Variants in AKAP13 observed in about 807,000 individuals in gnomAD.
The protein encoded by AKAP13 is A-kinase anchor protein 13.
Under a neutral mutation model 264.5 loss-of-function variants are expected in AKAP13, and 80 were observed. The ratio of observed to expected loss-of-function variants is 0.30; its 90% CI spans 0.25 to 0.36. The LOEUF (loss-of-function observed/expected upper bound fraction) is 0.36. AKAP13 is among the 10% of genes least tolerant of loss of function. The probability of loss-of-function intolerance (pLI) is 1.00; values close to 1 mark genes in which losing one functional copy is unlikely to be tolerated. For synonymous variants in AKAP13, 1,380 were observed against 1,250.2 expected, an observed-to-expected ratio of 1.10 and a Z score of -2.19; for missense variants, 3,712 against 3,435.2, an observed-to-expected ratio of 1.08 and a Z score of -2.01.
At chr15:85,639,293 C>G in intron 8 of AKAP13, 81 bp from the exon 9 acceptor site, 1 of 963,156 alleles carries the variant, frequency 1.0e-6, no homozygotes, top group Non-Finnish European at 1.6e-6. Context: ...GAATGTTGGT[C>G]AGTTGACATA....
At chr15:85,455,622 A>T (rs1333931412) in intron 1 of AKAP13, among the ~76,000 whole-genome samples, 1 of 152,114 alleles carries the variant, frequency 6.6e-6, no homozygotes, top group East Asian at 1.9e-4. Context: ...AGTTTTCCTT[A>T]GTCTCTGTTA....
At chr15:85,689,892 C>CCCTCCTT (rs796077215) in intron 16 of AKAP13, 2 of 152,278 alleles carry the variant, frequency 1.3e-5, no homozygotes, top group African/African-American at 4.8e-5. Flanking sequence ...CCTCAGCCCT[C>CCCTCCTT]CCTCCTTCCC....
rs115182750 is a variant in AKAP13, at chr15:85,744,018, G to A, written c.8392+193G>A. The stretch of plus-strand genomic sequence containing the variant: ...GAACATTAAGAACCCACTCTGTGTG[G>A]CACGTGTGCAGAAGCAGAGAGCATG... On this transcript the variant is annotated intron_variant, in intron 36 of 36. Coordinates refer to ENST00000394518, the MANE Select transcript of AKAP13 (RefSeq NM_007200.5). The A allele has an allele frequency of 6.4e-3, 4,049 of 630,824 alleles. 46 individuals are homozygous for A. Among genetic ancestry groups the A allele is most frequent in the African/African-American group, 0.025 (1,386 of 54,538 alleles). 39.1% of individuals were successfully genotyped at this position (630,824 alleles called of 1,614,324 possible).
chr15:85,385,058 A>T (rs993569930), intron 1 of AKAP13, among the ~76,000 whole-genome samples: 12 of 152,188 alleles, frequency 7.9e-5, no homozygotes, highest in Non-Finnish European at 1.5e-4. Context: ...TCACTCTGTA[A>T]GCTCTTCTCT....
At chr15:85,448,521 C>A (rs889149395) in intron 1 of AKAP13, among the ~76,000 whole-genome samples, 1 of 152,108 alleles carries the variant, frequency 6.6e-6, no homozygotes, top group Non-Finnish European at 1.5e-5. Context: ...AGTCTTTAAT[C>A]CATCTTGAGT....
intron 2 of AKAP13, among the ~76,000 whole-genome samples, chr15:85,503,397 G>GC (rs752057783): frequency 1.3e-5 from 2 of 152,138 alleles, no homozygotes; most frequent in South Asian, 2.1e-4. Flanking sequence ...TGGTACTATA[G>GC]CCCCCAAAGC....
intron 7 of AKAP13, among the ~76,000 whole-genome samples, chr15:85,584,773 C>G (rs185965212): frequency 2.0e-5 from 3 of 152,308 alleles, no homozygotes; most frequent in Admixed American, 2.0e-4. Context: ...CTTCTGTGCT[C>G]TTTAGTGTGG....
At chr15:85,442,464 C>CATAATATATATTATATAATATAT (rs1169847430) in intron 1 of AKAP13, among the ~76,000 whole-genome samples, 20 of 84,472 alleles carry the variant, frequency 2.4e-4, no homozygotes, top group African/African-American at 7.5e-4. Flanking sequence ...ATATAATATA[C>CATAATATATATTATATAATATAT]ATAATATATA....
At position 85,658,557 on chromosome 15, in the gene AKAP13, A is replaced by G; in HGVS notation, c.4766A>G (p.Asp1589Gly). 1 of 1,613,862 alleles carries G rather than the reference A, an allele frequency of 6.2e-7. No homozygotes were observed. The highest frequency in any genetic ancestry group is 8.5e-7 in the Non-Finnish European group (1 of 1,179,916). ...TTCAGTTCAATGCGAGTTCTTGGGGATGTTGTCAGGAGACCTCCCATTCAT... is the reference window on the plus strand; with the variant it reads ...TTCAGTTCAATGCGAGTTCTTGGGGGTGTTGTCAGGAGACCTCCCATTCAT... ...NHRSSMRVLGDVVRRPPIHRR... is the reference protein window; with the variant it reads ...NHRSSMRVLGGVVRRPPIHRR... The change falls in exon 12 of 37, where the codon GAT becomes GGT. Residue 1589 changes from aspartate (D) to glycine (G), a missense_variant. Physicochemically the swap from Asp to Gly is moderately conservative, Grantham distance 94 (BLOSUM62 -1). This residue lies in a region of AKAP13 where 2,759 missense variants were observed against 2,411.7 expected (regional missense o/e 1.14). Coordinates refer to ENST00000394518, the MANE Select transcript of AKAP13 (RefSeq NM_007200.5).
chr15:85,657,033 C>G (rs2083130510), intron 11 of AKAP13, among the ~76,000 whole-genome samples: 1 of 152,078 alleles, frequency 6.6e-6, no homozygotes, highest in Non-Finnish European at 1.5e-5. Flanking sequence ...GTGGTCCCAG[C>G]TACTCGAGAG....
intron 2 of AKAP13, among the ~76,000 whole-genome samples, chr15:85,512,006 AC>A (rs1184154923): frequency 7.0e-6 from 1 of 142,928 alleles, no homozygotes; most frequent in Non-Finnish European, 1.5e-5. Context: ...ACACCCCCTC[AC>A]CCCCCATTTT....
chr15:85,722,695 T>C (rs2087365382), intron 25 of AKAP13, among the ~76,000 whole-genome samples: 1 of 152,074 alleles, frequency 6.6e-6, no homozygotes, highest in Non-Finnish European at 1.5e-5. Flanking sequence ...TTCTCTCTCT[T>C]GGCTAATTCT....
At chr15:85,686,567 C>T (rs1424931779) in intron 16 of AKAP13, among the ~76,000 whole-genome samples, 1 of 151,306 alleles carries the variant, frequency 6.6e-6, no homozygotes, top group African/African-American at 2.4e-5. Flanking sequence ...CTAGCATAAT[C>T]ACACATTTAA....
At chr15:85,644,056 A>G (rs1271282356) in intron 9 of AKAP13, among the ~76,000 whole-genome samples, 1 of 151,784 alleles carries the variant, frequency 6.6e-6, no homozygotes, top group Non-Finnish European at 1.5e-5. Flanking sequence ...GTTCCTTTTG[A>G]ATTTGCTTCC....
chr15:85,710,686 T>A, intron 19 of AKAP13, 41 bp downstream of exon 19: 3 of 1,592,470 alleles, frequency 1.9e-6, no homozygotes, highest in Non-Finnish European at 2.6e-6. Context: ...TTTCTGACTT[T>A]CTGGTTCTGA....
intron 34 of AKAP13, 102 bp from the exon 35 acceptor site, chr15:85,740,944 C>T: frequency 6.0e-6 from 9 of 1,497,434 alleles, no homozygotes; most frequent in East Asian, 2.3e-5. Flanking sequence ...AGTTCTAGTC[C>T]GTCATAGTGC....
chr15:85,693,144 C>G, intron 16 of AKAP13, 133 bp from the exon 17 acceptor site: 1 of 1,364,754 alleles, frequency 7.3e-7, no homozygotes, highest in Non-Finnish European at 9.4e-7. Flanking sequence ...AACACTTTGC[C>G]CAGAACTTTG....
chr15:85,736,352 A>G (rs752302134), intron 33 of AKAP13, among the ~76,000 whole-genome samples: 2 of 152,092 alleles, frequency 1.3e-5, no homozygotes, highest in East Asian at 1.9e-4. Context: ...CAGTTAGAGA[A>G]TTGCCTGCTA....
chr15:85,394,745 T>A (rs545627898), intron 1 of AKAP13, among the ~76,000 whole-genome samples: 34 of 152,310 alleles, frequency 2.2e-4, no homozygotes, highest in African/African-American at 7.9e-4. Flanking sequence ...AGCAGGTAGG[T>A]TACTGCTCTT....
Sources: gnomAD v4.1 joint callset for allele counts (sites outside exome capture counted in the v4.1 genomes callset) on GRCh38, gnomAD v4.1.1 for gene constraint, gnomAD v4.1.1 regional missense constraint, MANE v1.5 for transcripts, NCBI Gene and HGNC (gene_info 2026-07-23, HGNC 2026-07-21) for gene names.